The following SGSM2 variants were observed in gnomAD, a reference collection of about 807,000 sequenced individuals.
SGSM2 encodes the protein small G protein signaling modulator 2.
In SGSM2, 89 loss-of-function variants were observed where a neutral mutation model predicts 126.6. The observed-to-expected ratio is 0.70, with a 90% CI of 0.59 to 0.84. The LOEUF is 0.84. Ranked by LOEUF, SGSM2 falls within the 40% of genes least tolerant of loss-of-function variation. The pLI is 0.00. For synonymous variants in SGSM2, 614 were observed against 574.3 expected (o/e 1.07, Z -0.99); for missense variants, 1,404 against 1,416.6 (o/e 0.99, Z 0.14).
Position 2,379,484 on chromosome 17 carries a change from C to T in SGSM2, c.3120C>T (p.Leu1040=), listed in dbSNP as rs773330310. The change falls in exon 24 of 24, where the codon CTC becomes CTT. Residue 1040 remains leucine, a synonymous_variant. Transcript: ENST00000268989. The part of the protein sequence containing the change: ...AQEILRIARD[L]VHKVQMLIEN... ...AGATCCTGCGGATTGCCCGGGACCT[C>T]GTCCACAAGGTGCAGATGCTCATAG... The T allele has an allele frequency of 3.4e-5, 55 of 1,613,552 alleles. No individual in the cohort carries two copies. The highest frequency in any genetic ancestry group is 3.3e-4 in the Middle Eastern group (2 of 6,082).
Position 2,365,311 on chromosome 17 carries a change from A to G in SGSM2, c.1258A>G (p.Ile420Val). The stretch of plus-strand genomic sequence containing the variant: ...GCGGGCCACCGACTATGTGTTCCGG[A>G]TCATCTACCCCGGCCACAGGCACGA... ...TGRATDYVFRIIYPGHRHEHI... is the reference protein window; with the variant it reads ...TGRATDYVFRVIYPGHRHEHI... The change falls in exon 11 of 24, where the codon ATC (isoleucine) becomes GTC (valine). Residue 420 changes from isoleucine (I) to valine (V), a missense_variant. Ile to Val is a conservative substitution (Grantham distance 29). Transcript: ENST00000268989. 1 of 1,578,572 alleles carries G rather than the reference A, an allele frequency of 6.3e-7. No homozygotes were observed. Among genetic ancestry groups the G allele is most frequent in the Non-Finnish European group, 8.6e-7 (1 of 1,161,882 alleles).
At position 2,377,956 on chromosome 17, in the gene SGSM2, A is replaced by T. The variant is rs755132961; in HGVS notation, c.2899+3A>T. On this transcript the variant is annotated splice_donor_region_variant and intron_variant, in intron 22 of 23. Transcript: ENST00000268989. ...GTTCCTGCTGGATTTTAAGAGAGGT[A>T]AGAAGTGGGTTGGATCATGGGGCTG... The T allele has an allele frequency of 6.3e-7, 1 of 1,590,960 alleles. No individual in the cohort carries two copies. Among genetic ancestry groups the T allele is most frequent in the East Asian group, 2.2e-5 (1 of 44,742 alleles).
rs959563599 is a variant in SGSM2, at chr17:2,367,652, G to A, written c.1423+247G>A. 6.6e-6 allele frequency among the ~76,000 whole-genome samples: 1 copy of A among 152,210 alleles called. No homozygotes were observed. The highest frequency in any genetic ancestry group is 1.5e-5 in the Non-Finnish European group (1 of 68,038). ...GAGGAAGAGGATTTGCTAATAGGAAGGTCTGATTATCTGATTGCCTCCTGG... is the reference window on the plus strand; with the variant it reads ...GAGGAAGAGGATTTGCTAATAGGAAAGTCTGATTATCTGATTGCCTCCTGG... On this transcript the variant is annotated intron_variant, in intron 12 of 23. Transcript: ENST00000268989. The surrounding 1 kb of genome is among the most constrained non-coding windows in gnomAD (Gnocchi z 4.0).
intron 11 of SGSM2, among the ~76,000 whole-genome samples, chr17:2,365,607 T>C (rs976922520): frequency 1.3e-5 from 2 of 152,152 alleles, no homozygotes; most frequent in African/African-American, 4.8e-5. Flanking sequence ...CACAAGACTC[T>C]TAGTTATCCT....
intron 11 of SGSM2, among the ~76,000 whole-genome samples, chr17:2,366,024 G>A (rs1194540589): frequency 1.3e-5 from 2 of 152,194 alleles, no homozygotes; most frequent in African/African-American, 2.4e-5. Flanking sequence ...GGTTACAGGC[G>A]TGACCACTGC....
In SGSM2 at chr17:2,363,490, G is replaced by T. The variant is rs1236177821; in HGVS notation, c.698G>T (p.Ser233Ile). The T allele has an allele frequency of 6.2e-7, 1 of 1,613,470 alleles. No homozygotes were observed. The highest frequency in any genetic ancestry group is 1.3e-5 in the African/African-American group (1 of 75,076). The change falls in exon 7 of 24, where the codon AGC becomes ATC. Residue 233 changes from serine (S) to isoleucine (I), a missense_variant. Coordinates refer to ENST00000268989, the MANE Select transcript of SGSM2 (RefSeq NM_014853.3). The surrounding 1 kb of genome is among the most constrained non-coding windows in gnomAD (Gnocchi z 4.2). ...LGIRKRHSSG[S>I]ASEDRLAACA... ...ATCCGGAAACGGCACTCAAGCGGCA[G>T]CGCGTCGGAGGACAGGCTGGCTGCC...
intron 2 of SGSM2, among the ~76,000 whole-genome samples, chr17:2,349,319 T>C (rs2064746502): frequency 6.6e-6 from 1 of 151,870 alleles, no homozygotes; most frequent in Non-Finnish European, 1.5e-5. Context: ...GAGGTTTCAG[T>C]GAGCGAGATT....
Position 2,380,059 on chromosome 17 carries a change from G to C in SGSM2, c.*539G>C. On this transcript the variant is annotated 3_prime_UTR_variant, in exon 24 of 24. Transcript: ENST00000268989. ...GGGTGCGGGAGACCCGGGCACGGGA[G>C]ACCCGGGCCGCCTTCAGGCCGCTCC... 6 of 1,407,640 alleles carry C rather than the reference G, an allele frequency of 4.3e-6. No individual in the cohort carries two copies. Among genetic ancestry groups the C allele is most frequent in the Non-Finnish European group, 5.5e-6 (6 of 1,087,134 alleles). 87.2% of individuals were successfully genotyped at this position (1,407,640 alleles called of 1,614,324 possible).
chr17:2,365,671 G>A (rs774064848), intron 11 of SGSM2, among the ~76,000 whole-genome samples: 9 of 152,026 alleles, frequency 5.9e-5, no homozygotes, highest in Admixed American at 1.3e-4. Context: ...TAGAAGGTGG[G>A]GAACCCTCCA....
At chr17:2,359,260 T>C (rs1048119439) in intron 2 of SGSM2, among the ~76,000 whole-genome samples, 3 of 151,714 alleles carry the variant, frequency 2.0e-5, no homozygotes, top group Admixed American at 6.6e-5. Flanking sequence ...GTGTCACTAT[T>C]ATTATTTTGT....
chr17:2,371,563 C>T lies in SGSM2; in HGVS notation c.1577+148C>T, dbSNP rs190475342. 44 of 923,604 alleles carry T rather than the reference C, an allele frequency of 4.8e-5. 1 individual carries two copies. Among genetic ancestry groups the T allele is most frequent in the Admixed American group, 6.0e-5 (2 of 33,442 alleles). 57.2% of individuals were successfully genotyped at this position (923,604 alleles called of 1,614,324 possible). A position where few individuals can be genotyped will look rare whatever the true frequency, so the allele number is the denominator to read the frequency against. On this transcript the variant is annotated intron_variant, in intron 13 of 23. Coordinates refer to ENST00000268989, the MANE Select transcript of SGSM2 (RefSeq NM_014853.3). ...GTTCAAATTTCACTTTTGCTACCCA[C>T]GTGACTTACAAGTTATGGAATTACC... is the stretch of plus-strand genomic sequence containing the variant.
chr17:2,367,744 G>A lies in SGSM2; in HGVS notation c.1423+339G>A, dbSNP rs1186269634. ...TCAGGCTGGCAAATGCCAGACAGAG[G>A]TCTCTTCCTTTCTCTCTGCTGATTG... On this transcript the variant is annotated intron_variant, in intron 12 of 23. Coordinates refer to ENST00000268989, the MANE Select transcript of SGSM2 (RefSeq NM_014853.3). This position sits in a 1 kb window ranked among gnomAD's most constrained non-coding sequence, Gnocchi z 4.0. 1.3e-5 allele frequency among the ~76,000 whole-genome samples: 2 copies of A among 152,228 alleles called. No homozygotes were observed. Among genetic ancestry groups the A allele is most frequent in the Admixed American group, 6.5e-5 (1 of 15,292 alleles).
chr17:2,345,440 C>CA (rs1469702504), intron 2 of SGSM2, among the ~76,000 whole-genome samples: 1 of 150,194 alleles, frequency 6.7e-6, no homozygotes, highest in Non-Finnish European at 1.5e-5. Flanking sequence ...ACTAAAAATA[C>CA]AAAAAATTAG....
At chr17:2,369,013 C>T (rs573276129) in intron 12 of SGSM2, among the ~76,000 whole-genome samples, 36 of 152,320 alleles carry the variant, frequency 2.4e-4, no homozygotes, top group African/African-American at 7.7e-4. Context: ...GGTCCAGAGG[C>T]CTCAGGGCTC....
chr17:2,352,984 A>G (rs955073458), intron 2 of SGSM2, among the ~76,000 whole-genome samples: 95 of 151,298 alleles, frequency 6.3e-4, no homozygotes, highest in Non-Finnish European at 1.3e-3. Flanking sequence ...TCACCATGTT[A>G]GCCAGGATGG....
intron 18 of SGSM2, 115 bp downstream of exon 18, chr17:2,375,990 G>A (rs893992767): frequency 8.4e-5 from 126 of 1,508,030 alleles, no homozygotes; most frequent in Non-Finnish European, 1.0e-4. Context: ...CCCTGGAAGG[G>A]AGTTCTGAGC....
Position 2,380,649 on chromosome 17 carries a change from G to A in SGSM2, c.*1129G>A. ...GCCCCCAGGCCTAGGCATGCTGCTT[G>A]CTCGGCCATCCCCACTTCCTCCTCT... On this transcript the variant is annotated 3_prime_UTR_variant, in exon 24 of 24. Coordinates refer to ENST00000268989, the MANE Select transcript of SGSM2 (RefSeq NM_014853.3). 1 of 373,644 alleles carries A rather than the reference G, an allele frequency of 2.7e-6. No individual in the cohort carries two copies. The highest frequency in any genetic ancestry group is 5.0e-6 in the Non-Finnish European group (1 of 200,582). The allele number at this position is 373,644 out of a possible 1,614,324, so 23.1% of individuals were successfully genotyped here.
chr17:2,340,795 A>G (rs368941237), intron 1 of SGSM2, among the ~76,000 whole-genome samples: 34 of 152,208 alleles, frequency 2.2e-4, no homozygotes, highest in Admixed American at 6.5e-4. Context: ...CATGTTAGCC[A>G]GGATGGTCTC....
rs1228715185 is a variant in SGSM2 at position 2,352,060 on chromosome 17, T to C, written c.133+8440T>C. The stretch of plus-strand genomic sequence containing the variant: ...GAGAGGGGCAGGTCACACTTGGCGA[T>C]GGCCCTTCGCTCCTCTCACCTTGTC... On this transcript the variant is annotated intron_variant, in intron 2 of 23. Transcript: ENST00000268989. Among the ~76,000 whole-genome samples, 7 of 152,300 alleles carry C rather than the reference T, an allele frequency of 4.6e-5. No homozygotes were observed. The South Asian group carries it at 6.2e-4, about 14-fold the overall frequency.
Sources: allele counts gnomAD v4.1 joint callset (sites outside exome capture counted in the v4.1 genomes callset), GRCh38; gene constraint gnomAD v4.1.1; non-coding constraint Gnocchi (gnomAD v3.1); transcripts MANE v1.5; gene names NCBI Gene and HGNC (gene_info 2026-07-23, HGNC 2026-07-21).